SMARCAD1: variants seen among roughly 807,000 people sequenced by gnomAD.
SMARCAD1 encodes the protein SNF2 related chromatin remodeling ATPase with DExD box 1.
In SMARCAD1, 25 loss-of-function variants were observed where a neutral mutation model predicts 127.1. The ratio of observed to expected loss-of-function variants is 0.20; its 90% confidence interval spans 0.14 to 0.27. The LOEUF (loss-of-function observed/expected upper bound fraction) is 0.27. Ranked by LOEUF, SMARCAD1 falls within the 10% of genes least tolerant of loss-of-function variation. The pLI is 1.00. For synonymous variants in SMARCAD1, 400 were observed against 396.9 expected (o/e 1.01, Z -0.09); for missense variants, 807 against 1,206.0 (o/e 0.67, Z 4.90).
intron 2 of SMARCAD1, among the ~76,000 whole-genome samples, chr4:94,219,429 T>C (rs1327859299): frequency 6.6e-6 from 1 of 152,138 alleles, no homozygotes; most frequent in Admixed American, 6.5e-5. Flanking sequence ...TGATTTTTTG[T>C]TTGAAGGAGC....
chr4:94,244,974 G>A (rs1393109675), intron 6 of SMARCAD1, among the ~76,000 whole-genome samples: 1 of 152,196 alleles, frequency 6.6e-6, no homozygotes, highest in Non-Finnish European at 1.5e-5. Flanking sequence ...CAGGGTTGCA[G>A]AAGTGGTTAC....
chr4:94,213,543 CA>C (rs1742636825), intron 2 of SMARCAD1, among the ~76,000 whole-genome samples: 1 of 150,622 alleles, frequency 6.6e-6, no homozygotes, highest in African/African-American at 2.5e-5. Context: ...TGGTACACAT[CA>C]TAGAGCATTT....
intron 21 of SMARCAD1, among the ~76,000 whole-genome samples, chr4:94,282,091 C>CATT (rs1560568847): frequency 8.6e-4 from 1 of 1,164 alleles, no homozygotes; most frequent in Non-Finnish European, 1.6e-3. Flanking sequence ...CATGCAAATA[C>CATT]GTTTTTTTGT....
At chr4:94,255,761 T>C (rs980686422) in intron 9 of SMARCAD1, among the ~76,000 whole-genome samples, 7 of 149,144 alleles carry the variant, frequency 4.7e-5, no homozygotes, top group African/African-American at 1.7e-4. Flanking sequence ...TAAAGTATAT[T>C]ACCTAAAAGG....
chr4:94,210,856 C>G (rs762195062), intron 2 of SMARCAD1, among the ~76,000 whole-genome samples: 15 of 139,708 alleles, frequency 1.1e-4, no homozygotes, highest in Non-Finnish European at 1.8e-4. Flanking sequence ...ATTGCTTGAA[C>G]CTGGGAGGCA....
chr4:94,237,372 T>C (rs1391665698), intron 5 of SMARCAD1, among the ~76,000 whole-genome samples: 1 of 152,046 alleles, frequency 6.6e-6, no homozygotes, highest in African/African-American at 2.4e-5. Flanking sequence ...ATTCCTTTAG[T>C]AAATATTTTT....
chr4:94,265,825 T>G (rs1751666316), intron 10 of SMARCAD1, among the ~76,000 whole-genome samples: 1 of 152,058 alleles, frequency 6.6e-6, no homozygotes, highest in African/African-American at 2.4e-5. Context: ...TACACAACTT[T>G]CAAAATGAGT....
intron 22 of SMARCAD1, among the ~76,000 whole-genome samples, chr4:94,283,512 G>C (rs541848357): frequency 6.6e-6 from 1 of 152,252 alleles, no homozygotes; most frequent in South Asian, 2.1e-4. Flanking sequence ...ATTCCAAATA[G>C]TTCTGCAGTT....
intron 19 of SMARCAD1, among the ~76,000 whole-genome samples, 173 bp from the exon 20 acceptor site, chr4:94,280,419 C>T (rs991459411): frequency 2.0e-5 from 3 of 152,076 alleles, no homozygotes; most frequent in Non-Finnish European, 4.4e-5. Context: ...AAGGACTTCT[C>T]CCCCTTTATT....
intron 5 of SMARCAD1, 67 bp downstream of exon 5, chr4:94,237,085 T>C (rs1229614065): frequency 3.2e-6 from 4 of 1,232,826 alleles, no homozygotes; most frequent in Admixed American, 1.7e-5. Context: ...ACCTTCTCAT[T>C]AATATTGCTC....
chr4:94,265,111 A>T (rs1179272334), intron 10 of SMARCAD1, among the ~76,000 whole-genome samples: 1 of 151,866 alleles, frequency 6.6e-6, no homozygotes, highest in East Asian at 1.9e-4. Flanking sequence ...ATTCTATCAT[A>T]TCATTATAAA....
intron 11 of SMARCAD1, among the ~76,000 whole-genome samples, chr4:94,271,888 G>A (rs1041879323): frequency 5.3e-5 from 8 of 152,172 alleles, no homozygotes; most frequent in African/African-American, 1.9e-4. Flanking sequence ...TATATATTAT[G>A]TGAAACTATT....
At chr4:94,235,552 A>G (rs558122872) in intron 4 of SMARCAD1, among the ~76,000 whole-genome samples, 17 of 151,728 alleles carry the variant, frequency 1.1e-4, no homozygotes, top group Non-Finnish European at 2.2e-4. Context: ...TCATTTTGAT[A>G]CCATCTTACT....
At position 94,289,927 on chromosome 4, in the gene SMARCAD1, T is replaced by G. The variant is rs1285675368; in HGVS notation, c.*393T>G. The G allele has an allele frequency of 2.2e-6, 1 of 454,320 alleles. No homozygotes were observed. Among genetic ancestry groups the G allele is most frequent in the Non-Finnish European group, 4.4e-6 (1 of 227,586 alleles). The allele number at this position is 454,320 out of a possible 1,614,324, so 28.1% of individuals were successfully genotyped here. A position where few individuals can be genotyped will look rare whatever the true frequency, so the allele number is the denominator to read the frequency against. ...ATGTGTGTAGATTTTTACATGTGCCTTATTTGACAATGCTTATGTCTTGTT... is the reference window on the plus strand; with the variant it reads ...ATGTGTGTAGATTTTTACATGTGCCGTATTTGACAATGCTTATGTCTTGTT... On this transcript the variant is annotated 3_prime_UTR_variant, in exon 24 of 24. Transcript: ENST00000354268.
intron 2 of SMARCAD1, among the ~76,000 whole-genome samples, chr4:94,223,000 A>C (rs1161778652): frequency 6.6e-6 from 1 of 151,922 alleles, no homozygotes; most frequent in South Asian, 2.1e-4. Context: ...TTATGTCTTC[A>C]CCATGTATTT....
At chr4:94,248,294 A>G (rs1446574695) in intron 6 of SMARCAD1, among the ~76,000 whole-genome samples, 1 of 152,128 alleles carries the variant, frequency 6.6e-6, no homozygotes, top group African/African-American at 2.4e-5. Flanking sequence ...GTGATATTCC[A>G]TTTTATGTGT....
chr4:94,280,117 G>A (rs189173803), intron 19 of SMARCAD1, among the ~76,000 whole-genome samples: 66 of 152,196 alleles, frequency 4.3e-4, no homozygotes, highest in African/African-American at 1.2e-3. Flanking sequence ...TACCCACCTC[G>A]GCTTCCCAAA....
At chr4:94,248,032 T>C (rs933629131) in intron 6 of SMARCAD1, among the ~76,000 whole-genome samples, 1 of 152,186 alleles carries the variant, frequency 6.6e-6, no homozygotes, top group Non-Finnish European at 1.5e-5. Flanking sequence ...CCAGTGTCTG[T>C]TGTTCTCATT....
chr4:94,249,907 A>G, intron 7 of SMARCAD1, 152 bp downstream of exon 7: 1 of 624,444 alleles, frequency 1.6e-6, no homozygotes, highest in South Asian at 2.0e-5. Context: ...AAGTATTTTC[A>G]TACTGTTTAT....
Sources: allele counts gnomAD v4.1 joint callset (sites outside exome capture counted in the v4.1 genomes callset), GRCh38; gene constraint gnomAD v4.1.1; transcripts MANE v1.5; gene names NCBI Gene and HGNC (gene_info 2026-07-23, HGNC 2026-07-21).